USP9X: variants seen among roughly 807,000 people sequenced by gnomAD.
USP9X encodes the protein ubiquitin specific peptidase 9 X-linked.
In USP9X, 7 loss-of-function variants were observed where a neutral mutation model predicts 190.3. The ratio of observed to expected loss-of-function variants is 0.04; its 90% CI spans 0.02 to 0.07. The LOEUF (loss-of-function observed/expected upper bound fraction) is 0.07. USP9X is among the 10% of genes least tolerant of loss of function. The probability of loss-of-function intolerance (pLI) is 1.00; values close to 1 mark genes in which losing one functional copy is unlikely to be tolerated. For missense variants in USP9X, 1,010 were observed against 1,916.9 expected, an observed-to-expected ratio of 0.53 and a Z score of 8.83; for synonymous variants, 645 against 659.5, an observed-to-expected ratio of 0.98 and a Z score of 0.34.
intron 14 of USP9X, among the ~76,000 whole-genome samples, chrX:41,162,539 G>A (rs1335155588): frequency 1.8e-4 from 20 of 112,302 alleles, no homozygotes; most frequent in Admixed American, 1.5e-3. Context: ...AAGGTTGCAC[G>A]AAGGGGTTGT....
intron 26 of USP9X, among the ~76,000 whole-genome samples, chrX:41,192,137 T>C (rs951006332): frequency 8.9e-6 from 1 of 112,127 alleles, no homozygotes; most frequent in African/African-American, 3.2e-5. Context: ...CTAGAAAATA[T>C]GAGCATGTTG....
chrX:41,231,375 A>G (rs1400520004), intron 44 of USP9X, among the ~76,000 whole-genome samples: 2 of 112,077 alleles, frequency 1.8e-5, no homozygotes, highest in Non-Finnish European at 3.8e-5. Flanking sequence ...CACTGTGTAC[A>G]TAGAAGCAAA....
At chrX:41,089,903 GTTTTTTTT>G (rs139093155) in intron 1 of USP9X, among the ~76,000 whole-genome samples, 2 of 30,356 alleles carry the variant, frequency 6.6e-5, no homozygotes, top group African/African-American at 1.4e-4. Context: ...ATCTATGAGG[GTTTTTTTT>G]TTTTTTTTTT....
intron 14 of USP9X, among the ~76,000 whole-genome samples, chrX:41,156,988 G>A (rs1211261657): frequency 3.6e-5 from 4 of 111,766 alleles, no homozygotes; most frequent in South Asian, 7.5e-4. Flanking sequence ...AACCCTGGGG[G>A]TCAGGAATGC....
At chrX:41,138,403 A>C (rs1284896266) in intron 6 of USP9X, among the ~76,000 whole-genome samples, 1 of 112,440 alleles carries the variant, frequency 8.9e-6, no homozygotes, top group Admixed American at 9.4e-5. Context: ...CGATGGAGAT[A>C]AACTTTCTAA....
In USP9X at chrX:41,189,490, T is replaced by G. The variant is rs764595804; in HGVS notation, c.3977+15T>G. The G allele has an allele frequency of 3.4e-6, 4 of 1,174,154 alleles. No individual in the cohort carries two copies. In the Admixed American group the frequency reaches 9.9e-5, roughly 29 times the overall value. On this transcript the variant is annotated intron_variant, in intron 26 of 44. Transcript: ENST00000378308. ...TGTCACAGCAAGTAAGTATCTTTTT[T>G]AATTGTAAGAAACTTACTTTTTGTA...
At chrX:41,209,254 C>T (rs2063136941) in intron 32 of USP9X, among the ~76,000 whole-genome samples, 1 of 111,924 alleles carries the variant, frequency 8.9e-6, no homozygotes, top group African/African-American at 3.2e-5. Context: ...GAAGGAATCA[C>T]AAGGATTTGG....
At chrX:41,140,533 T>G in intron 6 of USP9X, 123 bp from the exon 7 acceptor site, 1 of 483,796 alleles carries the variant, frequency 2.1e-6, no homozygotes, top group Non-Finnish European at 3.4e-6. Flanking sequence ...TGTTTTGTGG[T>G]CCTTTGAAAG....
intron 26 of USP9X, among the ~76,000 whole-genome samples, chrX:41,194,072 A>G (rs1027127182): frequency 2.7e-5 from 3 of 112,060 alleles, no homozygotes; most frequent in Non-Finnish European, 5.6e-5. Context: ...TGCTCCCAGA[A>G]AAGTAGATAC....
intron 39 of USP9X, among the ~76,000 whole-genome samples, chrX:41,223,961 G>C (rs1158462770): frequency 9.0e-6 from 1 of 111,361 alleles, no homozygotes; most frequent in Non-Finnish European, 1.9e-5. Context: ...CCTATGCTTT[G>C]GGGGAGGCCA....
At chrX:41,093,549 G>A (rs1054306679) in intron 1 of USP9X, among the ~76,000 whole-genome samples, 1 of 111,167 alleles carries the variant, frequency 9.0e-6, no homozygotes. Context: ...TCTCCATGTT[G>A]GTCAGGCTGT....
chrX:41,163,447 G>C lies in USP9X; in HGVS notation c.1985+570G>C, dbSNP rs746070971. On this transcript the variant is annotated intron_variant, in intron 15 of 44. Transcript: ENST00000378308. Reference sequence around the variant, plus strand: ...ATCATACACTTAACAGATGTGCAAAGTGCCTTTGTTAAAAATTTTGATGGT... The same window carrying C: ...ATCATACACTTAACAGATGTGCAAACTGCCTTTGTTAAAAATTTTGATGGT... 5.6e-4 allele frequency among the ~76,000 whole-genome samples: 63 copies of C among 111,527 alleles called. 1 individual carries two copies. Among genetic ancestry groups the C allele is most frequent in the Admixed American group, 2.1e-3 (22 of 10,470 alleles).
intron 21 of USP9X, among the ~76,000 whole-genome samples, chrX:41,177,877 A>G (rs542519886): frequency 9.1e-6 from 1 of 109,368 alleles, no homozygotes; most frequent in South Asian, 3.9e-4. Context: ...CAATTGTCCT[A>G]GATATGGTCA....
chrX:41,113,534 A>G (rs1458827218), intron 1 of USP9X, among the ~76,000 whole-genome samples: 1 of 112,163 alleles, frequency 8.9e-6, no homozygotes, highest in Admixed American at 9.5e-5. Flanking sequence ...AATGGTGGGC[A>G]TTTTGAAAGA....
intron 1 of USP9X, among the ~76,000 whole-genome samples, chrX:41,090,510 C>T (rs767050703): frequency 8.9e-6 from 1 of 112,535 alleles, no homozygotes; most frequent in South Asian, 3.6e-4. Context: ...CGTGTGTATA[C>T]ACACATATCT....
intron 13 of USP9X, 25 bp downstream of exon 13, chrX:41,151,082 T>A: frequency 8.5e-7 from 1 of 1,170,289 alleles, no homozygotes; most frequent in Non-Finnish European, 1.1e-6. Context: ...CATAGAAAAT[T>A]TCAATACTTA....
chrX:41,124,054 C>CA (rs1165310505), intron 2 of USP9X, among the ~76,000 whole-genome samples: 1 of 107,309 alleles, frequency 9.3e-6, no homozygotes, highest in Non-Finnish European at 1.9e-5. Context: ...AAAACAAAAA[C>CA]AAAAAACCTA....
At chrX:41,172,038 G>A (rs753179506) in intron 21 of USP9X, 80 bp downstream of exon 21, 498 of 1,103,149 alleles carry the variant, frequency 4.5e-4, no homozygotes, top group Admixed American at 1.1e-3. Flanking sequence ...TAAATGGACC[G>A]TGCTTTTTGG....
chrX:41,125,033 C>T (rs1439411352), intron 2 of USP9X, among the ~76,000 whole-genome samples: 2 of 111,382 alleles, frequency 1.8e-5, no homozygotes, highest in East Asian at 5.6e-4. Flanking sequence ...ACTGGTGGAC[C>T]CATCTGGCCT....
Sources: gnomAD v4.1 joint callset for allele counts (sites outside exome capture counted in the v4.1 genomes callset) on GRCh38, gnomAD v4.1.1 for gene constraint, MANE v1.5 for transcripts, NCBI Gene and HGNC (gene_info 2026-07-23, HGNC 2026-07-21) for gene names.